NUBPL: variants seen among roughly 807,000 people sequenced by gnomAD.
The protein encoded by NUBPL is NUBP iron-sulfur cluster assembly factor, mitochondrial.
A neutral mutation model predicts 45.7 loss-of-function variants in NUBPL; 31 were observed. The observed-to-expected ratio is 0.68, with a 90% CI of 0.51 to 0.92. NUBPL has a LOEUF of 0.92. Ranked by LOEUF, NUBPL falls within the 40% of genes least tolerant of loss-of-function variation. The pLI is 0.00. For missense variants in NUBPL, 401 were observed against 398.7 expected (o/e 1.01, Z -0.05); for synonymous variants, 144 against 140.9 (o/e 1.02, Z -0.15).
intron 7 of NUBPL, among the ~76,000 whole-genome samples, chr14:31,820,535 A>G (rs2039999449): frequency 6.6e-6 from 1 of 152,196 alleles, no homozygotes; most frequent in Admixed American, 6.5e-5. Context: ...AAAATTTAAA[A>G]ATCTGGGGCC....
At chr14:31,783,016 G>T (rs1047629665) in intron 6 of NUBPL, among the ~76,000 whole-genome samples, 1 of 152,084 alleles carries the variant, frequency 6.6e-6, no homozygotes, top group African/African-American at 2.4e-5. Flanking sequence ...AACCAATTGG[G>T]TCAGTTTGCC....
chr14:31,620,687 G>C (rs557210273), intron 4 of NUBPL, among the ~76,000 whole-genome samples: 64 of 152,290 alleles, frequency 4.2e-4, no homozygotes, highest in African/African-American at 1.4e-3. Flanking sequence ...CCAGACGCCA[G>C]CCAGAGCTGT....
rs550695762 is a variant in NUBPL at position 31,831,732 on chromosome 14, G to A, written c.693+5018G>A. 1.5e-4 allele frequency among the ~76,000 whole-genome samples: 23 copies of A among 152,234 alleles called. No individual in the cohort carries two copies. In the South Asian group the frequency reaches 4.4e-3, roughly 29 times the overall value. On this transcript the variant is annotated intron_variant, in intron 8 of 10. Transcript: ENST00000281081. ...GTTTGTCTATAGTTGAGATAGTTACGCATTGGTGTATTGCCAGGTTTGGTA... is the reference window on the plus strand; with the variant it reads ...GTTTGTCTATAGTTGAGATAGTTACACATTGGTGTATTGCCAGGTTTGGTA...
At chr14:31,635,347 A>G (rs1216507143) in intron 4 of NUBPL, among the ~76,000 whole-genome samples, 2 of 152,156 alleles carry the variant, frequency 1.3e-5, no homozygotes, top group Admixed American at 6.5e-5. Flanking sequence ...TAAATAGGGA[A>G]TCCTTTCCCC....
chr14:31,562,923 C>T (rs10143899), intron 2 of NUBPL: 107,548 of 153,652 alleles, frequency 0.7, 38,408 homozygotes, highest in African/African-American at 0.85. Flanking sequence ...GCTCATTTTT[C>T]CCCATTTTTA....
chr14:31,729,902 A>G (rs1048624941), intron 6 of NUBPL, among the ~76,000 whole-genome samples: 4 of 152,134 alleles, frequency 2.6e-5, no homozygotes, highest in Admixed American at 2.6e-4. Flanking sequence ...AATAACAGTG[A>G]TAGTGGTCAT....
intron 6 of NUBPL, among the ~76,000 whole-genome samples, chr14:31,783,515 CTTTTTTT>C (rs71430995): frequency 8.7e-4 from 112 of 129,214 alleles, no homozygotes; most frequent in Middle Eastern, 4.3e-3. Context: ...AATAGCAGTT[CTTTTTTT>C]TTTTTTTTTT....
chr14:31,758,850 G>T (rs1286860997), intron 6 of NUBPL, among the ~76,000 whole-genome samples: 1 of 152,102 alleles, frequency 6.6e-6, no homozygotes, highest in East Asian at 1.9e-4. Context: ...GCATTCTACT[G>T]TTTAGTATTG....
intron 6 of NUBPL, among the ~76,000 whole-genome samples, chr14:31,777,746 C>T (rs965462907): frequency 6.6e-6 from 1 of 152,294 alleles, no homozygotes. Flanking sequence ...GTTCCCAATT[C>T]ACCTGAGTGG....
At chr14:31,578,593 T>C (rs2033779402) in intron 3 of NUBPL, among the ~76,000 whole-genome samples, 1 of 152,226 alleles carries the variant, frequency 6.6e-6, no homozygotes, top group Non-Finnish European at 1.5e-5. Context: ...CAAAACTCAT[T>C]ATAAGCTTGA....
intron 4 of NUBPL, among the ~76,000 whole-genome samples, chr14:31,620,183 A>C (rs1488811607): frequency 1.3e-5 from 2 of 151,776 alleles, no homozygotes; most frequent in Non-Finnish European, 2.9e-5. Context: ...AATTCATCTG[A>C]CGTTTTTTCA....
At position 31,815,749 on chromosome 14, in the gene NUBPL, G is replaced by A. The variant is rs2039902233; in HGVS notation, c.608-10880G>A. 2.0e-5 allele frequency among the ~76,000 whole-genome samples: 3 copies of A among 152,134 alleles called. No homozygotes were observed. In the South Asian group the frequency reaches 6.2e-4, roughly 32 times the overall value. ...TATTGAGCGTTTTTAGCATGAAGTG[G>A]TGTTGAATTTTATCGAAGGCCTTTT... is the stretch of plus-strand genomic sequence containing the variant. On this transcript the variant is annotated intron_variant, in intron 7 of 10. Transcript: ENST00000281081.
At chr14:31,829,176 T>C (rs535616153) in intron 8 of NUBPL, among the ~76,000 whole-genome samples, 7 of 152,274 alleles carry the variant, frequency 4.6e-5, no homozygotes, top group African/African-American at 7.2e-5. Flanking sequence ...ATGAAAGTCA[T>C]TGGAACTGTG....
intron 6 of NUBPL, among the ~76,000 whole-genome samples, chr14:31,764,745 A>G (rs1355456468): frequency 1.3e-5 from 2 of 152,322 alleles, no homozygotes; most frequent in African/African-American, 2.4e-5. Flanking sequence ...AATTTGGTCC[A>G]TTCTCTTATT....
chr14:31,613,638 A>G (rs1308644265), intron 4 of NUBPL, among the ~76,000 whole-genome samples: 2 of 151,964 alleles, frequency 1.3e-5, no homozygotes, highest in South Asian at 2.1e-4. Flanking sequence ...TTGTATTTTT[A>G]GTAGAGATGG....
chr14:31,766,575 A>G (rs545667898), intron 6 of NUBPL, among the ~76,000 whole-genome samples: 161 of 152,254 alleles, frequency 1.1e-3, no homozygotes, highest in Middle Eastern at 0.01. Context: ...TTATAGTAAT[A>G]CCCATTTACT....
At chr14:31,784,933 G>A (rs535548345) in intron 6 of NUBPL, among the ~76,000 whole-genome samples, 1 of 152,292 alleles carries the variant, frequency 6.6e-6, no homozygotes, top group South Asian at 2.1e-4. Context: ...TTTTGCTATT[G>A]CTTGAATGTA....
rs182521175 is a variant in NUBPL, at chr14:31,807,123, T to G, written c.607+19250T>G. Among the ~76,000 whole-genome samples, 1,365 of 152,348 alleles carry G rather than the reference T, an allele frequency of 9.0e-3. 9 individuals are homozygous for G. The highest frequency in any genetic ancestry group is 0.013 in the Non-Finnish European group (901 of 68,036). On this transcript the variant is annotated intron_variant, in intron 7 of 10. Coordinates refer to ENST00000281081, the MANE Select transcript of NUBPL (RefSeq NM_025152.3). ...TTATAGCAGCATGCTTTATAATCCT[T>G]TGGGTATATACCCAGTAATGGGATG...
intron 4 of NUBPL, among the ~76,000 whole-genome samples, chr14:31,669,820 T>TTTTTTTTTTTTG (rs1566489840): frequency 6.7e-6 from 1 of 150,112 alleles, no homozygotes; most frequent in South Asian, 2.1e-4. Context: ...TTTTTTTTTT[T>TTTTTTTTTTTTG]TTACGGCTGC....
Sources: allele counts gnomAD v4.1 joint callset (sites outside exome capture counted in the v4.1 genomes callset), GRCh38; gene constraint gnomAD v4.1.1; transcripts MANE v1.5; gene names NCBI Gene and HGNC (gene_info 2026-07-23, HGNC 2026-07-21).